Variants in ERBB4 observed in about 807,000 individuals in gnomAD.
ERBB4 encodes receptor tyrosine-protein kinase erbB-4.
In ERBB4, 42 loss-of-function variants were observed where a neutral mutation model predicts 158.0. The observed-to-expected ratio is 0.27, with a 90% CI of 0.21 to 0.34. The LOEUF (loss-of-function observed/expected upper bound fraction) is 0.34, where lower values mean the gene tolerates loss of function less well. ERBB4 is among the 10% of genes least tolerant of loss of function. The probability of loss-of-function intolerance (pLI) is 1.00; values close to 1 mark genes in which losing one functional copy is unlikely to be tolerated. For missense variants in ERBB4, 1,333 were observed against 1,624.1 expected (o/e 0.82, Z 3.08); for synonymous variants, 583 against 558.7 (o/e 1.04, Z -0.61).
At chr2:212,163,312 T>C (rs186269931) in intron 1 of ERBB4, among the ~76,000 whole-genome samples, 1 of 151,952 alleles carries the variant, frequency 6.6e-6, no homozygotes, top group African/African-American at 2.4e-5. Flanking sequence ...TCACAGGATA[T>C]GACAATTGAA....
intron 20 of ERBB4, among the ~76,000 whole-genome samples, chr2:211,452,125 T>C (rs915714119): frequency 2.6e-5 from 4 of 152,198 alleles, no homozygotes; most frequent in African/African-American, 9.7e-5. Flanking sequence ...ACAAATATAT[T>C]TCTGCTTAAG....
At chr2:211,754,625 T>C (rs1043840301) in intron 4 of ERBB4, among the ~76,000 whole-genome samples, 9 of 152,106 alleles carry the variant, frequency 5.9e-5, no homozygotes, top group Admixed American at 3.9e-4. Context: ...GCCAGGCTGG[T>C]CTTGAACTCC....
chr2:211,629,411 GGAA>G (rs1156879988), intron 17 of ERBB4, among the ~76,000 whole-genome samples: 1 of 152,078 alleles, frequency 6.6e-6, no homozygotes, highest in African/African-American at 2.4e-5. Context: ...ACAAACAAAT[GGAA>G]GAACATTCCA....
At position 211,640,897 on chromosome 2, in the gene ERBB4, T is replaced by A. The variant is rs138050597; in HGVS notation, c.1947-10303A>T. On this transcript the variant is annotated intron_variant, in intron 16 of 27. Transcript: ENST00000342788. ...GGCATCAAAAGTGACTAGACTCCCA[T>A]GCCTATGGGAATATAATAAGGCCGA... 1.1e-4 allele frequency among the ~76,000 whole-genome samples: 17 copies of A among 152,180 alleles called. No individual in the cohort carries two copies. In the East Asian group the frequency reaches 3.3e-3, roughly 29 times the overall value.
rs543106139 is a variant in ERBB4 at position 211,501,101 on chromosome 2, A to G, written c.2487+60802T>C. ...GCTGACTATAAAAATAAATAAAAAG[A>G]TAAGTATCTACTAAAAAAGGTAAAA... On this transcript the variant is annotated intron_variant, in intron 20 of 27. Coordinates refer to ENST00000342788, the MANE Select transcript of ERBB4 (RefSeq NM_005235.3). 2.9e-5 allele frequency among the ~76,000 whole-genome samples: 4 copies of G among 138,576 alleles called. No individual in the cohort carries two copies. The Admixed American group carries it at 2.9e-4, about 10-fold the overall frequency. 90.9% of individuals were successfully genotyped at this position (138,576 alleles called of 152,430 possible).
At chr2:212,301,758 T>C (rs1266991375) in intron 1 of ERBB4, among the ~76,000 whole-genome samples, 1 of 148,682 alleles carries the variant, frequency 6.7e-6, no homozygotes, top group Non-Finnish European at 1.5e-5. Context: ...GAAATCCATA[T>C]GTCATCATAA....
chr2:211,423,208 G>T (rs2063549147), intron 23 of ERBB4, among the ~76,000 whole-genome samples: 1 of 151,858 alleles, frequency 6.6e-6, no homozygotes, highest in Non-Finnish European at 1.5e-5. Flanking sequence ...ACTAAATATT[G>T]AGTAAATAGA....
intron 19 of ERBB4, among the ~76,000 whole-genome samples, chr2:211,569,456 G>C (rs1341676471): frequency 6.6e-6 from 1 of 152,270 alleles, no homozygotes; most frequent in East Asian, 1.9e-4. Context: ...TACCTGGAGA[G>C]GCAACTAGTA....
At chr2:211,490,277 C>T (rs552119148) in intron 20 of ERBB4, among the ~76,000 whole-genome samples, 11 of 149,618 alleles carry the variant, frequency 7.4e-5, no homozygotes, top group East Asian at 6.0e-4. Context: ...TTCATTGTTA[C>T]CATTAGACTC....
At chr2:211,919,196 A>G (rs1157605315) in intron 3 of ERBB4, among the ~76,000 whole-genome samples, 1 of 152,092 alleles carries the variant, frequency 6.6e-6, no homozygotes, top group Non-Finnish European at 1.5e-5. Flanking sequence ...AGTAATTAAA[A>G]TATTTAGCAG....
chr2:211,671,267 A>G (rs553723979), intron 14 of ERBB4, among the ~76,000 whole-genome samples: 3 of 152,190 alleles, frequency 2.0e-5, no homozygotes, highest in Non-Finnish European at 4.4e-5. Flanking sequence ...ATAATTTTGA[A>G]TATTAATGTT....
intron 1 of ERBB4, among the ~76,000 whole-genome samples, chr2:212,247,357 C>CA (rs1169567975): frequency 1.3e-5 from 2 of 151,826 alleles, no homozygotes; most frequent in Middle Eastern, 3.4e-3. Flanking sequence ...GTTCCCTTTT[C>CA]AAAAAAAATT....
At chr2:211,408,062 G>A (rs1052506512) in intron 25 of ERBB4, among the ~76,000 whole-genome samples, 1 of 152,102 alleles carries the variant, frequency 6.6e-6, no homozygotes. Flanking sequence ...TGAACAGGGA[G>A]CTCTGGCAGA....
intron 3 of ERBB4, among the ~76,000 whole-genome samples, chr2:211,793,813 C>T (rs1019684688): frequency 2.0e-5 from 3 of 151,886 alleles, no homozygotes; most frequent in Non-Finnish European, 4.4e-5. Context: ...TATTAATAAG[C>T]TGAGACTCAA....
chr2:212,275,320 T>C (rs950776922), intron 1 of ERBB4, among the ~76,000 whole-genome samples: 4 of 151,962 alleles, frequency 2.6e-5, no homozygotes, highest in African/African-American at 9.7e-5. Flanking sequence ...ATGGTATTTC[T>C]AGTTCTAGAT....
chr2:211,450,162 A>C (rs1178811337), intron 20 of ERBB4, among the ~76,000 whole-genome samples: 1 of 152,188 alleles, frequency 6.6e-6, no homozygotes, highest in African/African-American at 2.4e-5. Flanking sequence ...GATTAGAGAA[A>C]TTATGAAACT....
intron 1 of ERBB4, among the ~76,000 whole-genome samples, chr2:212,227,439 A>C (rs2083510350): frequency 6.6e-6 from 1 of 152,064 alleles, no homozygotes; most frequent in Non-Finnish European, 1.5e-5. Context: ...TATATTCATG[A>C]GGTGTTAATC....
At chr2:211,922,871 G>A (rs2079905663) in intron 3 of ERBB4, among the ~76,000 whole-genome samples, 1 of 151,948 alleles carries the variant, frequency 6.6e-6, no homozygotes, top group Non-Finnish European at 1.5e-5. Flanking sequence ...ACATATGCAA[G>A]GTATATTCTG....
At chr2:211,432,461 T>C (rs554265228) in intron 20 of ERBB4, among the ~76,000 whole-genome samples, 72 of 152,284 alleles carry the variant, frequency 4.7e-4, no homozygotes, top group African/African-American at 1.7e-3. Context: ...TGTATTAGTG[T>C]TTTCTGAAAT....
Sources: gnomAD v4.1 joint callset for allele counts (sites outside exome capture counted in the v4.1 genomes callset) on GRCh38, gnomAD v4.1.1 for gene constraint, MANE v1.5 for transcripts, NCBI Gene and HGNC (gene_info 2026-07-23, HGNC 2026-07-21) for gene names.